Variants in FBXO31 observed in about 807,000 individuals in gnomAD.
The protein encoded by FBXO31 is F-box protein 31, also known as F-box only protein 31.
Under a neutral mutation model 54.4 loss-of-function variants are expected in FBXO31, and 24 were observed. The observed-to-expected ratio is 0.44, with a 90% CI of 0.32 to 0.62. The LOEUF is 0.62. Among genes scored for constraint, FBXO31 ranks in the 20% least tolerant of loss-of-function variants. The pLI is 0.05. For synonymous variants in FBXO31, 388 were observed against 335.6 expected, an observed-to-expected ratio of 1.16 and a Z score of -1.71; for missense variants, 665 against 787.1, an observed-to-expected ratio of 0.84 and a Z score of 1.86.
chr16:87,378,078 G>C (rs1906907864), intron 1 of FBXO31, among the ~76,000 whole-genome samples: 1 of 151,700 alleles, frequency 6.6e-6, no homozygotes. Context: ...AGAACTGCTT[G>C]AACCCGGGAG....
At chr16:87,378,897 G>C (rs549941199) in intron 1 of FBXO31, among the ~76,000 whole-genome samples, 1 of 150,920 alleles carries the variant, frequency 6.6e-6, no homozygotes, top group Non-Finnish European at 1.5e-5. Flanking sequence ...AGGAGGCGGA[G>C]CTTGCAATGA....
upstream of FBXO31, among the ~76,000 whole-genome samples, chr16:87,391,137 G>A (rs960241500): frequency 1.3e-5 from 2 of 152,132 alleles, no homozygotes; most frequent in Non-Finnish European, 2.9e-5. Flanking sequence ...GGTTGCTTGA[G>A]GCCAGGAGTT....
At chr16:87,367,688 G>T (rs1400609930) in intron 1 of FBXO31, 3 of 152,196 alleles carry the variant, frequency 2.0e-5, no homozygotes, top group Non-Finnish European at 4.4e-5. Flanking sequence ...CTGGACTGGG[G>T]GTGCTTCTCC....
intron 2 of FBXO31, among the ~76,000 whole-genome samples, chr16:87,350,799 C>G (rs528973052): frequency 6.6e-6 from 1 of 151,836 alleles, no homozygotes. Context: ...GTGCTAGGAA[C>G]ACTGCCCAAT....
At chr16:87,363,890 G>C (rs1156719994) in intron 1 of FBXO31, among the ~76,000 whole-genome samples, 1 of 152,196 alleles carries the variant, frequency 6.6e-6, no homozygotes, top group Non-Finnish European at 1.5e-5. Context: ...TCATCTGTCA[G>C]CTCCCCCTTC....
intron 2 of FBXO31, among the ~76,000 whole-genome samples, chr16:87,353,302 T>C (rs1391303637): frequency 2.0e-5 from 3 of 152,174 alleles, no homozygotes; most frequent in African/African-American, 7.2e-5. Flanking sequence ...TGGTCCAGGA[T>C]GCCCCCCTTG....
At chr16:87,371,884 T>C (rs1906617351) in intron 1 of FBXO31, among the ~76,000 whole-genome samples, 1 of 151,850 alleles carries the variant, frequency 6.6e-6, no homozygotes, top group Admixed American at 6.6e-5. Flanking sequence ...CCAGATTCAC[T>C]TTTGTTTTTA....
chr16:87,333,414 G>A (rs978713985), intron 8 of FBXO31, among the ~76,000 whole-genome samples: 7 of 152,208 alleles, frequency 4.6e-5, no homozygotes, highest in Non-Finnish European at 1.0e-4. Flanking sequence ...CCGGGAGATG[G>A]CCAAAGGTGA....
chr16:87,354,977 A>T (rs758638391), intron 2 of FBXO31, among the ~76,000 whole-genome samples: 2 of 152,182 alleles, frequency 1.3e-5, no homozygotes, highest in Non-Finnish European at 2.9e-5. Context: ...TCAAAAAAAT[A>T]AAAATAAAAG....
intron 2 of FBXO31, among the ~76,000 whole-genome samples, chr16:87,351,223 G>A (rs1905640359): frequency 6.6e-6 from 1 of 152,200 alleles, no homozygotes. Context: ...TTCAAGAGAT[G>A]AATCCATGGA....
upstream of FBXO31, among the ~76,000 whole-genome samples, chr16:87,385,595 C>A (rs1246314653): frequency 6.6e-6 from 1 of 152,146 alleles, no homozygotes; most frequent in Non-Finnish European, 1.5e-5. Context: ...CTAACAAGAT[C>A]TTATAGCAGA....
chr16:87,367,795 T>A (rs1906432347), intron 1 of FBXO31: 1 of 152,204 alleles, frequency 6.6e-6, no homozygotes, highest in Admixed American at 6.5e-5. Flanking sequence ...AACGCATCCA[T>A]TTGTGCTTGT....
At chr16:87,341,655 C>CAAA (rs397854967) in intron 5 of FBXO31, among the ~76,000 whole-genome samples, 18 of 70,648 alleles carry the variant, frequency 2.5e-4, no homozygotes, top group East Asian at 5.7e-4. Context: ...GACTCCGTCT[C>CAAA]AAAAAAAAAA....
intron 2 of FBXO31, among the ~76,000 whole-genome samples, chr16:87,353,598 G>A (rs371954565): frequency 5.9e-5 from 9 of 152,366 alleles, no homozygotes; most frequent in South Asian, 2.1e-4. Context: ...AGGAAGAGGC[G>A]GTAAGGAGGC....
At chr16:87,368,264 C>A (rs899897083) in intron 1 of FBXO31, among the ~76,000 whole-genome samples, 2 of 152,232 alleles carry the variant, frequency 1.3e-5, no homozygotes, top group African/African-American at 4.8e-5. Context: ...AAATGTCATT[C>A]TGACCCAACT....
chr16:87,361,068 C>T lies in FBXO31; in HGVS notation c.341-702G>A, dbSNP rs539348570. Among the ~76,000 whole-genome samples the T allele has an allele frequency of 3.3e-5, 5 of 152,308 alleles. No individual in the cohort carries two copies. The East Asian group carries it at 5.8e-4, about 18-fold the overall frequency. On this transcript the variant is annotated intron_variant, in intron 1 of 8. Transcript: ENST00000311635. ...TCCCAGGTCCTCCGGCTTGGGTCTC[C>T]GCTAGCCTTTGAAAGGAAAGACCGC... is the stretch of plus-strand genomic sequence containing the variant.
chr16:87,360,981 C>T (rs1447452157), intron 1 of FBXO31, among the ~76,000 whole-genome samples: 3 of 152,206 alleles, frequency 2.0e-5, no homozygotes, highest in Non-Finnish European at 4.4e-5. Flanking sequence ...TTGTCCCCTA[C>T]TCCCACCCCA....
Position 87,329,404 on chromosome 16 carries a change from C to A in FBXO31, c.*1884G>T, listed in dbSNP as rs1904763564. On this transcript the variant is annotated 3_prime_UTR_variant, in exon 9 of 9. Coordinates refer to ENST00000311635, the MANE Select transcript of FBXO31 (RefSeq NM_024735.5). Reference sequence around the variant, plus strand: ...AGTGTGCTCTTCAAGCCCCAAAGGGCACGCCTCTAGGACTGCGTCCCTTAG... The same window carrying A: ...AGTGTGCTCTTCAAGCCCCAAAGGGAACGCCTCTAGGACTGCGTCCCTTAG... 1 of 152,282 alleles carries A rather than the reference C, an allele frequency of 6.6e-6. No individual in the cohort carries two copies. The allele number at this position is 152,282 out of a possible 1,614,324, so 9.4% of individuals were successfully genotyped here.
At chr16:87,364,367 G>A (rs1261018142) in intron 1 of FBXO31, among the ~76,000 whole-genome samples, 1 of 152,246 alleles carries the variant, frequency 6.6e-6, no homozygotes, top group African/African-American at 2.4e-5. Flanking sequence ...TCTAGTGAGC[G>A]CTGCAGCAGC....
Sources: gnomAD v4.1 joint callset for allele counts (sites outside exome capture counted in the v4.1 genomes callset) on GRCh38, gnomAD v4.1.1 for gene constraint, MANE v1.5 for transcripts, NCBI Gene and HGNC (gene_info 2026-07-23, HGNC 2026-07-21) for gene names.